Variants in SHLD2 observed in about 807,000 individuals in gnomAD.
The protein encoded by SHLD2 is shieldin complex subunit 2, also known as RINN1-REV7-interacting novel NHEJ regulator 2.
A neutral mutation model predicts 73.2 loss-of-function variants in SHLD2; 30 were observed. The ratio of observed to expected loss-of-function variants is 0.41; its 90% CI spans 0.31 to 0.56. The LOEUF (loss-of-function observed/expected upper bound fraction) is 0.56. Among genes scored for constraint, SHLD2 ranks in the 20% least tolerant of loss-of-function variants. The pLI is 0.28. For synonymous variants in SHLD2, 285 were observed against 370.1 expected (o/e 0.77, Z 2.64); for missense variants, 745 against 1,055.9 (o/e 0.71, Z 4.08).
chr10:87,156,585 G>C (rs528786300), intron 3 of SHLD2, among the ~76,000 whole-genome samples: 1 of 152,144 alleles, frequency 6.6e-6, no homozygotes, highest in Non-Finnish European at 1.5e-5. Flanking sequence ...AGGAGCTGGG[G>C]CATGTCAGTG....
At chr10:87,154,275 TCGG>T (rs1846222305) in intron 3 of SHLD2, 1 of 152,036 alleles carries the variant, frequency 6.6e-6, no homozygotes, top group Admixed American at 6.6e-5. Flanking sequence ...AGACACCTGA[TCGG>T]CTACAACTCT....
intron 2 of SHLD2, chr10:87,113,859 G>A (rs1323373742): frequency 2.0e-5 from 3 of 151,998 alleles, no homozygotes; most frequent in Non-Finnish European, 2.9e-5. Context: ...AACAAAAACT[G>A]GCTGGGCGTG....
rs545094863 is a variant in SHLD2, at chr10:87,115,046, ATATT to A, written c.-6+18075_-6+18078del. Among the ~76,000 whole-genome samples, 18 of 151,900 alleles carry A rather than the reference ATATT, an allele frequency of 1.2e-4. No homozygotes were observed. The South Asian group carries it at 3.3e-3, about 28-fold the overall frequency. On this transcript the variant is annotated intron_variant, in intron 2 of 9. Coordinates refer to ENST00000298786, the MANE Select transcript of SHLD2 (RefSeq NM_001330112.2). ...AAGATGTGGACCAGAGTTATAAGTC[ATATT>A]TATTTATTTATTTATTTTGAGACAG...
At chr10:87,153,794 T>C (rs1237781639) in intron 3 of SHLD2, among the ~76,000 whole-genome samples, 1 of 152,216 alleles carries the variant, frequency 6.6e-6, no homozygotes, top group African/African-American at 2.4e-5. Context: ...AAGTAACTTG[T>C]CCAATGTCAT....
At chr10:87,131,814 C>T (rs1038511458) in intron 2 of SHLD2, among the ~76,000 whole-genome samples, 7 of 152,248 alleles carry the variant, frequency 4.6e-5, no homozygotes, top group Middle Eastern at 3.4e-3. Context: ...AGTGACTGTA[C>T]CATTTTATAT....
In SHLD2 at chr10:87,151,801, T is replaced by C. The variant is rs896242774; in HGVS notation, c.447T>C (p.Asp149=). 6.2e-7 allele frequency: 1 copy of C among 1,611,966 alleles called. No homozygotes were observed. ...QKLLSENKIR[D]EQPKHQPDIC... is the part of the protein sequence containing the mutation. ...TTCTCAGTGAAAATAAAATTAGAGA[T>C]GAACAGCCTAAACATCAGCCAGATA... Residue 149 remains aspartate, a synonymous_variant, in exon 3 of 10, where the codon GAT becomes GAC. Coordinates refer to ENST00000298786, the MANE Select transcript of SHLD2 (RefSeq NM_001330112.2).
At chr10:87,174,396 G>A (rs1847809130) in intron 6 of SHLD2, among the ~76,000 whole-genome samples, 2 of 149,934 alleles carry the variant, frequency 1.3e-5, no homozygotes, top group Non-Finnish European at 3.0e-5. Flanking sequence ...GCTGCTATAT[G>A]TTTATTTACT....
chr10:87,157,730 T>A (rs1157320928), intron 3 of SHLD2, among the ~76,000 whole-genome samples: 1 of 152,204 alleles, frequency 6.6e-6, no homozygotes, highest in Non-Finnish European at 1.5e-5. Context: ...CTAAAAAAAA[T>A]TATTTTTAAT....
At chr10:87,098,510 T>C (rs1376093585) in intron 2 of SHLD2, among the ~76,000 whole-genome samples, 5 of 135,498 alleles carry the variant, frequency 3.7e-5, no homozygotes, top group Non-Finnish European at 6.2e-5. Context: ...TGAAACTCCA[T>C]CTCAAAAAAA....
intron 2 of SHLD2, among the ~76,000 whole-genome samples, chr10:87,148,882 C>CTTT (rs568650093): frequency 5.7e-5 from 8 of 139,256 alleles, no homozygotes; most frequent in Admixed American, 1.5e-4. Context: ...TTCCCACCAA[C>CTTT]TTTTTTTTTT....
intron 2 of SHLD2, among the ~76,000 whole-genome samples, chr10:87,131,015 T>C (rs1322552794): frequency 6.6e-6 from 1 of 152,064 alleles, no homozygotes; most frequent in Non-Finnish European, 1.5e-5. Flanking sequence ...TGCAGCGTGC[T>C]GAGATCATGT....
chr10:87,114,446 C>T (rs1401461024), intron 2 of SHLD2: 2 of 152,060 alleles, frequency 1.3e-5, no homozygotes, highest in African/African-American at 2.4e-5. Flanking sequence ...CAGTCAAGCC[C>T]GTGTGCAGTG....
chr10:87,106,917 A>G (rs942541269), intron 2 of SHLD2, among the ~76,000 whole-genome samples: 2 of 152,292 alleles, frequency 1.3e-5, no homozygotes, highest in African/African-American at 4.8e-5. Flanking sequence ...AGATGAGACT[A>G]TTTTGAAGAT....
intron 2 of SHLD2, among the ~76,000 whole-genome samples, chr10:87,103,316 A>G (rs1424070288): frequency 6.6e-6 from 1 of 152,132 alleles, no homozygotes; most frequent in Non-Finnish European, 1.5e-5. Context: ...GCTAGTTAAT[A>G]CTTCATTAAT....
chr10:87,116,974 G>A (rs2134044871), intron 2 of SHLD2, among the ~76,000 whole-genome samples: 1 of 152,274 alleles, frequency 6.6e-6, no homozygotes, highest in East Asian at 1.9e-4. Flanking sequence ...TGAAGTGGTT[G>A]GTGTTCAAGA....
At chr10:87,188,390 C>CTGTA (rs1384854423) in intron 9 of SHLD2, among the ~76,000 whole-genome samples, 3 of 152,120 alleles carry the variant, frequency 2.0e-5, no homozygotes, top group Non-Finnish European at 4.4e-5. Flanking sequence ...GGTTCCTCAC[C>CTGTA]TGTACCCTGG....
At chr10:87,104,633 A>T (rs1842483604) in intron 2 of SHLD2, among the ~76,000 whole-genome samples, 1 of 152,084 alleles carries the variant, frequency 6.6e-6, no homozygotes, top group African/African-American at 2.4e-5. Flanking sequence ...TAAAAAATAT[A>T]TTAACAAATT....
chr10:87,174,844 G>T (rs557184931), intron 6 of SHLD2, among the ~76,000 whole-genome samples: 1 of 152,282 alleles, frequency 6.6e-6, no homozygotes, highest in East Asian at 1.9e-4. Flanking sequence ...TGGCCGGCGT[G>T]GTGGCTCCCG....
At chr10:87,157,081 T>A (rs534095937) in intron 3 of SHLD2, among the ~76,000 whole-genome samples, 1 of 152,188 alleles carries the variant, frequency 6.6e-6, no homozygotes, top group Non-Finnish European at 1.5e-5. Context: ...TGACTTCAGA[T>A]GTTAGTTTAC....
Sources: gnomAD v4.1 joint callset for allele counts (sites outside exome capture counted in the v4.1 genomes callset) on GRCh38, gnomAD v4.1.1 for gene constraint, MANE v1.5 for transcripts, NCBI Gene and HGNC (gene_info 2026-07-23, HGNC 2026-07-21) for gene names.